Variants in SHANK2 observed in about 807,000 individuals in gnomAD.
The protein encoded by SHANK2 is SH3 and multiple ankyrin repeat domains protein 2.
SHANK2 carries 43 observed loss-of-function variants against 133.7 expected under a neutral mutation model. The ratio of observed to expected loss-of-function variants is 0.32; its 90% CI spans 0.25 to 0.41. The LOEUF is 0.41. Ranked by LOEUF, SHANK2 falls within the 10% of genes least tolerant of loss-of-function variation. The probability of loss-of-function intolerance (pLI) is 1.00; values close to 1 mark genes in which losing one functional copy is unlikely to be tolerated. For missense variants in SHANK2, 1,994 were observed against 2,235.8 expected (o/e 0.89, Z 2.18); for synonymous variants, 1,017 against 952.8 (o/e 1.07, Z -1.24).
At chr11:70,947,599 C>T (rs1555085697) in intron 10 of SHANK2, among the ~76,000 whole-genome samples, 1 of 152,130 alleles carries the variant, frequency 6.6e-6, no homozygotes, top group African/African-American at 2.4e-5. Flanking sequence ...CTCCTGACCT[C>T]AGGTGATCCT....
intron 17 of SHANK2, among the ~76,000 whole-genome samples, chr11:70,599,951 G>A (rs2060468505): frequency 7.5e-6 from 1 of 132,484 alleles, no homozygotes; most frequent in African/African-American, 3.3e-5. Flanking sequence ...AAGAAAGAAA[G>A]AAAGAAAGAA....
At chr11:70,489,403 C>T in intron 23 of SHANK2, 55 bp from the exon 24 acceptor site, 1 of 1,591,272 alleles carries the variant, frequency 6.3e-7, no homozygotes, top group Non-Finnish European at 8.6e-7. Flanking sequence ...AAATACGCAG[C>T]TTTCCCTGAG....
chr11:70,818,313 A>G (rs1948444109), intron 12 of SHANK2, among the ~76,000 whole-genome samples: 1 of 152,052 alleles, frequency 6.6e-6, no homozygotes, highest in Admixed American at 6.5e-5. Context: ...GCATACACAA[A>G]CACATACACA....
intron 22 of SHANK2, among the ~76,000 whole-genome samples, chr11:70,491,785 G>A (rs954046185): frequency 6.6e-6 from 1 of 152,224 alleles, no homozygotes; most frequent in African/African-American, 2.4e-5. Flanking sequence ...TTCCAGCTGT[G>A]TGCCCTCCTG....
chr11:70,608,800 C>T (rs2060615578), intron 17 of SHANK2, among the ~76,000 whole-genome samples: 2 of 152,362 alleles, frequency 1.3e-5, no homozygotes, highest in South Asian at 4.1e-4. Context: ...TCTCAAATTA[C>T]AAACCTCTCA....
At chr11:70,492,209 G>T in intron 22 of SHANK2, 126 bp downstream of exon 22, 2 of 1,382,262 alleles carry the variant, frequency 1.4e-6, no homozygotes, top group Middle Eastern at 2.5e-4. Flanking sequence ...ACTTAGATTT[G>T]GGCCCCACCT....
At chr11:70,506,189 G>A (rs1167913087) in intron 17 of SHANK2, among the ~76,000 whole-genome samples, 1 of 152,206 alleles carries the variant, frequency 6.6e-6, no homozygotes, top group Non-Finnish European at 1.5e-5. Context: ...CTTGTCTGTA[G>A]CCGACAGCCT....
chr11:70,904,259 C>T (rs959914827), intron 10 of SHANK2, among the ~76,000 whole-genome samples: 2 of 152,150 alleles, frequency 1.3e-5, no homozygotes. Flanking sequence ...CCACAGGGCC[C>T]GAGCGTGTTC....
intron 15 of SHANK2, among the ~76,000 whole-genome samples, chr11:70,679,007 C>T (rs1430833544): frequency 3.3e-5 from 5 of 152,300 alleles, no homozygotes; most frequent in South Asian, 4.1e-4. Context: ...TCAGCATGCT[C>T]GCTAGGACAA....
intron 17 of SHANK2, among the ~76,000 whole-genome samples, chr11:70,544,363 G>A (rs1272149773): frequency 6.6e-6 from 1 of 152,206 alleles, no homozygotes; most frequent in African/African-American, 2.4e-5. Context: ...CCACGCGTAG[G>A]ACCTTCCAGA....
chr11:71,120,791 C>T (rs1317234207), intron 3 of SHANK2, among the ~76,000 whole-genome samples: 2 of 152,204 alleles, frequency 1.3e-5, no homozygotes, highest in Non-Finnish European at 2.9e-5. Flanking sequence ...GCTCACTACT[C>T]ACCCTTCAGT....
At position 70,847,066 on chromosome 11, in the gene SHANK2, A is replaced by G. The variant is rs181361955; in HGVS notation, c.1175-26384T>C. On this transcript the variant is annotated intron_variant, in intron 11 of 25. Transcript: ENST00000601538. Reference sequence around the variant, plus strand: ...AAGATGGCATCACTTTACAGAGGAGAGGTGGAGGCCCCCATCAAGAGGAGG... The same window carrying G: ...AAGATGGCATCACTTTACAGAGGAGGGGTGGAGGCCCCCATCAAGAGGAGG... Among the ~76,000 whole-genome samples, 191 of 152,248 alleles carry G rather than the reference A, an allele frequency of 1.3e-3. 1 individual carries two copies. Among genetic ancestry groups the G allele is most frequent in the East Asian group, 6.0e-3 (31 of 5,182 alleles).
chr11:70,619,504 G>T (rs1383194751), intron 17 of SHANK2, among the ~76,000 whole-genome samples: 1 of 152,188 alleles, frequency 6.6e-6, no homozygotes, highest in African/African-American at 2.4e-5. Context: ...CCCCCTAAGC[G>T]ATCCGTGATG....
rs529578632 is a variant in SHANK2 at position 70,482,808 on chromosome 11, C to G, written c.4979+2506G>C. ...CTTCAGAGTACAGCAGGATTCTGCCCTATGAAGTCTGCTTTGAGCCAGCCC... is the reference window on the plus strand; with the variant it reads ...CTTCAGAGTACAGCAGGATTCTGCCGTATGAAGTCTGCTTTGAGCCAGCCC... On this transcript the variant is annotated intron_variant, in intron 25 of 25. Transcript: ENST00000601538. Among the ~76,000 whole-genome samples, 3 of 152,300 alleles carry G rather than the reference C, an allele frequency of 2.0e-5. No individual in the cohort carries two copies. In the East Asian group the frequency reaches 5.8e-4, roughly 29 times the overall value.
intron 15 of SHANK2, among the ~76,000 whole-genome samples, chr11:70,673,667 C>G (rs1944857287): frequency 6.6e-6 from 1 of 152,260 alleles, no homozygotes; most frequent in South Asian, 2.1e-4. Flanking sequence ...GTGGTCCCCC[C>G]ACCAGGATCA....
At chr11:71,197,314 C>G (rs1953925496) in intron 2 of SHANK2, among the ~76,000 whole-genome samples, 1 of 152,234 alleles carries the variant, frequency 6.6e-6, no homozygotes, top group South Asian at 2.1e-4. Flanking sequence ...TGGGCAGGTT[C>G]CAAGATGCTA....
intron 17 of SHANK2, among the ~76,000 whole-genome samples, chr11:70,629,483 C>T (rs1591671182): frequency 6.6e-6 from 1 of 152,134 alleles, no homozygotes; most frequent in Non-Finnish European, 1.5e-5. Flanking sequence ...TCCGGCCTGG[C>T]GGGAGAGGGA....
chr11:70,656,605 G>A (rs540897756), intron 17 of SHANK2, among the ~76,000 whole-genome samples: 3 of 152,052 alleles, frequency 2.0e-5, no homozygotes, highest in African/African-American at 7.2e-5. Flanking sequence ...TGGGAATTCC[G>A]GCACACTAGC....
At chr11:71,170,309 G>A (rs1953288036) in intron 2 of SHANK2, among the ~76,000 whole-genome samples, 1 of 152,178 alleles carries the variant, frequency 6.6e-6, no homozygotes, top group African/African-American at 2.4e-5. Context: ...CAACGTAGTG[G>A]TAATTTTGCT....
Sources: gnomAD v4.1 joint callset for allele counts (sites outside exome capture counted in the v4.1 genomes callset) on GRCh38, gnomAD v4.1.1 for gene constraint, MANE v1.5 for transcripts, NCBI Gene and HGNC (gene_info 2026-07-23, HGNC 2026-07-21) for gene names.